THADA: variants seen among roughly 807,000 people sequenced by gnomAD.
The protein encoded by THADA is THADA armadillo repeat containing, also known as tRNA (32-2'-O)-methyltransferase regulator THADA.
In THADA, 213 loss-of-function variants were observed where a neutral mutation model predicts 219.8. That is an observed-to-expected ratio of 0.97 (90% CI 0.87 to 1.09). The LOEUF is 1.09. Ranked by LOEUF, THADA falls within the 50% of genes least tolerant of loss-of-function variation. The pLI is 0.00. For missense variants in THADA, 2,956 were observed against 2,311.3 expected (o/e 1.28, Z -5.72); for synonymous variants, 1,018 against 828.9 (o/e 1.23, Z -3.92).
intron 20 of THADA, among the ~76,000 whole-genome samples, chr2:43,547,597 T>A (rs544027512): frequency 6.6e-6 from 1 of 152,212 alleles, no homozygotes; most frequent in Non-Finnish European, 1.5e-5. Flanking sequence ...ACCTCCCTTC[T>A]CGCTTCATTT....
intron 25 of THADA, among the ~76,000 whole-genome samples, chr2:43,498,529 C>T (rs1688553988): frequency 6.6e-6 from 1 of 151,956 alleles, no homozygotes; most frequent in Non-Finnish European, 1.5e-5. Flanking sequence ...AGTTCTTATA[C>T]TTTAAGTGAC....
At chr2:43,399,046 A>G (rs999997649) in intron 28 of THADA, among the ~76,000 whole-genome samples, 4 of 152,256 alleles carry the variant, frequency 2.6e-5, no homozygotes, top group Non-Finnish European at 4.4e-5. Context: ...ACAAACAATC[A>G]GAAACTTAAA....
intron 36 of THADA, among the ~76,000 whole-genome samples, chr2:43,247,089 G>A (rs528580813): frequency 3.3e-5 from 5 of 152,280 alleles, no homozygotes; most frequent in Admixed American, 1.3e-4. Flanking sequence ...TAAGGGTTTC[G>A]AGACTCCAGG....
chr2:43,463,316 G>C (rs1683853347), intron 26 of THADA: 1 of 152,156 alleles, frequency 6.6e-6, no homozygotes, highest in African/African-American at 2.4e-5. Context: ...CCTCAAAACA[G>C]ATCAAAGCAA....
chr2:43,341,345 G>C (rs1260259217), intron 30 of THADA, among the ~76,000 whole-genome samples: 2 of 152,174 alleles, frequency 1.3e-5, no homozygotes, highest in Non-Finnish European at 2.9e-5. Flanking sequence ...AGAAAAATCA[G>C]AAGTGGGGTG....
intron 29 of THADA, among the ~76,000 whole-genome samples, chr2:43,391,403 C>A (rs1673366309): frequency 6.6e-6 from 1 of 152,142 alleles, no homozygotes; most frequent in Non-Finnish European, 1.5e-5. Flanking sequence ...CAGAACCTGG[C>A]AGCTAAAAGC....
chr2:43,499,639 A>C (rs918864248), intron 24 of THADA, among the ~76,000 whole-genome samples: 1 of 152,194 alleles, frequency 6.6e-6, no homozygotes, highest in Non-Finnish European at 1.5e-5. Context: ...GGCCTCCCAA[A>C]GTGATGGCAT....
chr2:43,361,925 A>T (rs11679731), intron 29 of THADA, among the ~76,000 whole-genome samples: 21,586 of 152,202 alleles, frequency 0.14, 1,866 homozygotes, highest in South Asian at 0.2. Context: ...TATGACCCTC[A>T]AGAGGTTTAT....
At chr2:43,430,685 A>G (rs1679123043) in intron 26 of THADA, 2 of 456,052 alleles carry the variant, frequency 4.4e-6, no homozygotes, top group Non-Finnish European at 8.8e-6. Context: ...CAGGTCTAGA[A>G]CAAGCGTTCC....
At chr2:43,509,858 G>A in intron 22 of THADA, among the ~76,000 whole-genome samples, 1 of 152,056 alleles carries the variant, frequency 6.6e-6, no homozygotes, top group South Asian at 2.1e-4. Context: ...ACTACTAGCA[G>A]GCTCTGTGAT....
intron 37 of THADA, among the ~76,000 whole-genome samples, chr2:43,231,571 A>G (rs1667425262): frequency 6.6e-6 from 1 of 152,156 alleles, no homozygotes; most frequent in South Asian, 2.1e-4. Flanking sequence ...TTTTTTCCCC[A>G]GACTTAACAT....
Position 43,257,398 on chromosome 2 carries a change from A to G in THADA, c.5296+22367T>C, listed in dbSNP as rs965630520. 7.2e-5 allele frequency among the ~76,000 whole-genome samples: 11 copies of G among 152,362 alleles called. No individual in the cohort carries two copies. In the South Asian group the frequency reaches 2.1e-3, roughly 29 times the overall value. On this transcript the variant is annotated intron_variant, in intron 36 of 37. Transcript: ENST00000405975. Reference sequence around the variant, plus strand: ...TCACTGCATAGGAGTCAGGCAATCAATCATAAAGAGGAGAGAGGAGGCTTC... The same window carrying G: ...TCACTGCATAGGAGTCAGGCAATCAGTCATAAAGAGGAGAGAGGAGGCTTC...
At position 43,574,352 on chromosome 2, in the gene THADA, A is replaced by G. The variant is rs1333561627; in HGVS notation, c.1713T>C (p.Ser571=). The G allele has an allele frequency of 1.3e-6, 2 of 1,570,094 alleles. No homozygotes were observed. Among genetic ancestry groups the G allele is most frequent in the Non-Finnish European group, 8.6e-7 (1 of 1,161,820 alleles). ...LQYMVKILQT[S]IDAKTGQEQS... ...TTTTCTTACCAGTTTTAGCATCAAT[A>G]GAAGTCTGAAGAATCTTTACCATGT... is the stretch of plus-strand genomic sequence containing the variant. Residue 571 remains serine (S), a synonymous_variant, in exon 11 of 38, where the codon TCT becomes TCC. Transcript: ENST00000405975.
intron 36 of THADA, among the ~76,000 whole-genome samples, chr2:43,273,545 G>A (rs1161239213): frequency 6.6e-6 from 1 of 152,170 alleles, no homozygotes; most frequent in Non-Finnish European, 1.5e-5. Flanking sequence ...GCAGGAGGAA[G>A]GGGGAGGCAG....
intron 26 of THADA, among the ~76,000 whole-genome samples, chr2:43,443,096 T>G (rs1490043772): frequency 6.6e-6 from 1 of 152,172 alleles, no homozygotes; most frequent in Non-Finnish European, 1.5e-5. Flanking sequence ...TTTTCTTGCT[T>G]ATTTTGCCCA....
intron 29 of THADA, among the ~76,000 whole-genome samples, chr2:43,351,457 C>T (rs1009000324): frequency 1.3e-5 from 2 of 152,100 alleles, no homozygotes; most frequent in African/African-American, 2.4e-5. Flanking sequence ...CCAGCTTAAA[C>T]GTCACCTTCC....
intron 31 of THADA, among the ~76,000 whole-genome samples, chr2:43,304,209 G>C (rs929039799): frequency 2.0e-5 from 3 of 151,990 alleles, no homozygotes; most frequent in African/African-American, 7.3e-5. Flanking sequence ...AAAATAAAAA[G>C]GGCAAGAAAG....
intron 36 of THADA, among the ~76,000 whole-genome samples, chr2:43,252,691 C>T (rs1669924264): frequency 1.3e-5 from 2 of 152,202 alleles, no homozygotes; most frequent in African/African-American, 4.8e-5. Flanking sequence ...ATTCCCCAGG[C>T]CTGTGATGAT....
intron 29 of THADA, among the ~76,000 whole-genome samples, chr2:43,361,905 C>A (rs777158825): frequency 7.2e-5 from 11 of 152,170 alleles, no homozygotes; most frequent in Non-Finnish European, 1.6e-4. Context: ...AAGGTATTAA[C>A]TCTATTAGTT....
Sources: allele counts gnomAD v4.1 joint callset (sites outside exome capture counted in the v4.1 genomes callset), GRCh38; gene constraint gnomAD v4.1.1; transcripts MANE v1.5; gene names NCBI Gene and HGNC (gene_info 2026-07-23, HGNC 2026-07-21).